The following WWC1 variants were observed in gnomAD, a reference collection of about 807,000 sequenced individuals.
The protein encoded by WWC1 is protein KIBRA.
WWC1 carries 55 observed loss-of-function variants against 138.4 expected under a neutral mutation model. That is an observed-to-expected ratio of 0.40 (90% CI 0.32 to 0.50). The LOEUF is 0.50. Ranked by LOEUF, WWC1 falls within the 20% of genes least tolerant of loss-of-function variation. The probability of loss-of-function intolerance (pLI) is 0.72; values close to 1 mark genes in which losing one functional copy is unlikely to be tolerated. For synonymous variants in WWC1, 524 were observed against 564.9 expected (o/e 0.93, Z 1.03); for missense variants, 1,226 against 1,420.4 (o/e 0.86, Z 2.20).
At chr5:168,442,464 T>TA (rs202033566) in intron 16 of WWC1, among the ~76,000 whole-genome samples, 5 of 143,188 alleles carry the variant, frequency 3.5e-5, no homozygotes, top group African/African-American at 5.2e-5. Context: ...AAAATTTAAT[T>TA]AAAAAAAAAA....
rs1168929983 is a variant in WWC1, at chr5:168,468,946, T to C, written c.3276-5T>C. On this transcript the variant is annotated splice_polypyrimidine_tract_variant and splice_region_variant and intron_variant, in intron 22 of 22. Transcript: ENST00000265293. ...CCTGCTCTAAAGGGATGGCCTCTCT[T>C]ATAGGGAGAAGATGGCATTTTTCAC... 16 of 1,614,202 alleles carry C rather than the reference T, an allele frequency of 9.9e-6. No homozygotes were observed. The highest frequency in any genetic ancestry group is 1.4e-5 in the Non-Finnish European group (16 of 1,180,020).
chr5:168,368,028 G>A (rs1044895274), intron 1 of WWC1, among the ~76,000 whole-genome samples: 3 of 150,620 alleles, frequency 2.0e-5, no homozygotes, highest in African/African-American at 7.3e-5. Flanking sequence ...TTTGAACAGT[G>A]TTGTTTTTCT....
chr5:168,414,249 C>A, intron 8 of WWC1, 99 bp from the exon 9 acceptor site: 1 of 1,484,558 alleles, frequency 6.7e-7, no homozygotes, highest in Non-Finnish European at 9.0e-7. Context: ...AAGACAGTAA[C>A]TGTCAAAGAT....
Position 168,421,991 on chromosome 5 carries a change from G to T in WWC1, c.1185-17G>T, listed in dbSNP as rs1781124972. Reference sequence around the variant, plus strand: ...CTTCCTTTTGGTGCATCCCTCGCATGCTTTCTCTCCTTCCAGGTTAAAGTT... The same window carrying T: ...CTTCCTTTTGGTGCATCCCTCGCATTCTTTCTCTCCTTCCAGGTTAAAGTT... On this transcript the variant is annotated splice_polypyrimidine_tract_variant and intron_variant, in intron 9 of 22. Transcript: ENST00000265293. 1 of 1,606,310 alleles carries T rather than the reference G, an allele frequency of 6.2e-7. No individual in the cohort carries two copies. Among genetic ancestry groups the T allele is most frequent in the Admixed American group, 1.7e-5 (1 of 59,784 alleles).
intron 1 of WWC1, among the ~76,000 whole-genome samples, chr5:168,304,186 C>G (rs993047759): frequency 3.3e-5 from 5 of 152,156 alleles, no homozygotes; most frequent in Non-Finnish European, 5.9e-5. Flanking sequence ...ATAACTTTCT[C>G]TATAGTTACA....
At chr5:168,419,834 G>A (rs944365619) in intron 9 of WWC1, among the ~76,000 whole-genome samples, 1 of 152,204 alleles carries the variant, frequency 6.6e-6, no homozygotes, top group Non-Finnish European at 1.5e-5. Context: ...TGCCCTCCAT[G>A]GGAGGTTTCA....
Position 168,444,564 on chromosome 5 carries a change from C to T in WWC1, c.2504C>T (p.Thr835Ile). 1.2e-6 allele frequency: 2 copies of T among 1,612,694 alleles called. No homozygotes were observed. The highest frequency in any genetic ancestry group is 1.7e-6 in the Non-Finnish European group (2 of 1,179,602). ...AAGAGGCAGGAGGGCAGGAGCAGCA[C>T]ACAGACACTGGAAGACAGCTGGTGA... ...LEKRQEGRSS[T>I]QTLEDSWRYE... Residue 835 changes from threonine to isoleucine, a missense_variant, in exon 17 of 23, where the codon ACA becomes ATA. Coordinates refer to ENST00000265293, the MANE Select transcript of WWC1 (RefSeq NM_015238.3).
At chr5:168,455,622 C>A (rs573957781) in intron 19 of WWC1, 102 bp downstream of exon 19, 7 of 1,468,794 alleles carry the variant, frequency 4.8e-6, no homozygotes, top group East Asian at 2.5e-5. Flanking sequence ...TGGGTGACTT[C>A]GGGTATGTTA....
In WWC1 at chr5:168,292,264, CG is replaced by C; in HGVS notation, c.115del (p.Asp39ThrfsTer19). 2.5e-6 allele frequency: 4 copies of C among 1,598,380 alleles called. No individual in the cohort carries two copies. Among genetic ancestry groups the C allele is most frequent in the Non-Finnish European group, 3.4e-6 (4 of 1,173,268 alleles). The part of the protein sequence containing the change: ...TNRTTSWIDP[R>X]DRYTKPLTFA... ...CCGCACCACCAGCTGGATCGACCCG[CG>C]GGACAGGTAGGACCCTGGAACCCTC... is the stretch of plus-strand genomic sequence containing the variant. On this transcript the variant is annotated frameshift_variant, in exon 1 of 23. Transcript: ENST00000265293. LOFTEE classifies it high-confidence loss of function. This position sits in a 1 kb window ranked among gnomAD's most constrained non-coding sequence, Gnocchi z 4.4.
chr5:168,295,896 G>T (rs1249173480), intron 1 of WWC1, among the ~76,000 whole-genome samples: 1 of 152,222 alleles, frequency 6.6e-6, no homozygotes, highest in Non-Finnish European at 1.5e-5. Context: ...AGAGGGTCCA[G>T]TGGGCAGCTT....
At chr5:168,434,622 A>G (rs937581674) in intron 15 of WWC1, among the ~76,000 whole-genome samples, 1 of 152,192 alleles carries the variant, frequency 6.6e-6, no homozygotes, top group Non-Finnish European at 1.5e-5. Context: ...ATTTGAACAG[A>G]GACTCCAGCT....
chr5:168,453,916 A>AC, intron 17 of WWC1, 52 bp from the exon 18 acceptor site: 1 of 1,607,638 alleles, frequency 6.2e-7, no homozygotes, highest in Non-Finnish European at 8.5e-7. Context: ...AGGCAGGTGA[A>AC]CAGAGGCAGA....
chr5:168,340,598 G>T (rs1162996851), intron 1 of WWC1, among the ~76,000 whole-genome samples: 1 of 151,834 alleles, frequency 6.6e-6, no homozygotes, highest in Non-Finnish European at 1.5e-5. Context: ...GTGACCTTTT[G>T]TGTCTGGCTT....
In WWC1 at chr5:168,346,531, G is replaced by A. The variant is rs1017547237; in HGVS notation, c.120-24893G>A. 2.6e-5 allele frequency among the ~76,000 whole-genome samples: 4 copies of A among 152,204 alleles called. No homozygotes were observed. The East Asian group carries it at 5.8e-4, about 22-fold the overall frequency. ...GTAGAAACACAGTGCCTGACACACCGATGCCCTTAGTAGGCGTGCCTGAAA... is the reference window on the plus strand; with the variant it reads ...GTAGAAACACAGTGCCTGACACACCAATGCCCTTAGTAGGCGTGCCTGAAA... On this transcript the variant is annotated intron_variant, in intron 1 of 22. Transcript: ENST00000265293.
At chr5:168,306,115 T>C (rs1401102485) in intron 1 of WWC1, among the ~76,000 whole-genome samples, 1 of 152,108 alleles carries the variant, frequency 6.6e-6, no homozygotes, top group African/African-American at 2.4e-5. Context: ...ATCTGGGAGA[T>C]GGCCGGGTGC....
At chr5:168,420,245 G>A (rs1346833367) in intron 9 of WWC1, among the ~76,000 whole-genome samples, 1 of 152,134 alleles carries the variant, frequency 6.6e-6, no homozygotes, top group East Asian at 1.9e-4. Context: ...GAAGCTAAAA[G>A]TCCAAGATCA....
rs1320620104 is a variant in WWC1 at position 168,424,080 on chromosome 5, C to T, written c.1810+12C>T. 6.4e-7 allele frequency: 1 copy of T among 1,573,394 alleles called. No individual in the cohort carries two copies. The highest frequency in any genetic ancestry group is 1.2e-5 in the South Asian group (1 of 82,702). ...GCAGCTGGGCCAAGGTAGAGAGCAC[C>T]ATACCCAGAGGGTGGGAACCAGGAG... On this transcript the variant is annotated intron_variant, in intron 11 of 22. Transcript: ENST00000265293.
At chr5:168,298,089 A>T (rs924465528) in intron 1 of WWC1, among the ~76,000 whole-genome samples, 2 of 152,054 alleles carry the variant, frequency 1.3e-5, no homozygotes, top group African/African-American at 4.8e-5. Flanking sequence ...CCCAGGTTGG[A>T]GTGCGGTGGT....
chr5:168,396,368 G>GT (rs1218138676), intron 3 of WWC1, among the ~76,000 whole-genome samples: 4 of 151,294 alleles, frequency 2.6e-5, no homozygotes, highest in African/African-American at 9.7e-5. Context: ...GGGCAATAGA[G>GT]TAAGACTTCG....
Sources: allele counts gnomAD v4.1 joint callset (sites outside exome capture counted in the v4.1 genomes callset), GRCh38; gene constraint gnomAD v4.1.1; non-coding constraint Gnocchi (gnomAD v3.1); transcripts MANE v1.5; gene names NCBI Gene and HGNC (gene_info 2026-07-23, HGNC 2026-07-21).